Variants in MMP16 observed in about 807,000 individuals in gnomAD.
MMP16 encodes the protein matrix metalloproteinase-16.
MMP16 carries 12 observed loss-of-function variants against 67.8 expected under a neutral mutation model. The observed-to-expected ratio is 0.18, with a 90% CI of 0.11 to 0.29. The LOEUF (loss-of-function observed/expected upper bound fraction) is 0.29, where lower values mean the gene tolerates loss of function less well. Among genes scored for constraint, MMP16 ranks in the 10% least tolerant of loss-of-function variants. The probability of loss-of-function intolerance (pLI) is 1.00; values close to 1 mark genes in which losing one functional copy is unlikely to be tolerated. For synonymous variants in MMP16, 249 were observed against 255.9 expected (o/e 0.97, Z 0.26); for missense variants, 475 against 765.7 (o/e 0.62, Z 4.48).
At chr8:88,274,660 A>G (rs1810616926) in intron 1 of MMP16, among the ~76,000 whole-genome samples, 1 of 152,076 alleles carries the variant, frequency 6.6e-6, no homozygotes, top group Non-Finnish European at 1.5e-5. Flanking sequence ...AAAAGTTACA[A>G]TCTGTAATTA....
intron 1 of MMP16, among the ~76,000 whole-genome samples, chr8:88,253,583 TCTGA>T (rs1277090668): frequency 2.0e-5 from 3 of 152,050 alleles, no homozygotes; most frequent in African/African-American, 7.2e-5. Flanking sequence ...TACAAAAATA[TCTGA>T]CTGATGTGTT....
At chr8:88,183,588 G>GT (rs1461129633) in intron 3 of MMP16, among the ~76,000 whole-genome samples, 1 of 152,096 alleles carries the variant, frequency 6.6e-6, no homozygotes, top group Non-Finnish European at 1.5e-5. Flanking sequence ...CTGAATAGAG[G>GT]AGAGGTAGCA....
intron 1 of MMP16, among the ~76,000 whole-genome samples, chr8:88,226,875 C>T (rs1467920019): frequency 1.2e-4 from 9 of 72,760 alleles, no homozygotes; most frequent in African/African-American, 4.1e-4. Flanking sequence ...TCAGCCTACA[C>T]GTATTTATTT....
chr8:88,295,723 A>T (rs1811002016), intron 1 of MMP16, among the ~76,000 whole-genome samples: 1 of 152,192 alleles, frequency 6.6e-6, no homozygotes, highest in Non-Finnish European at 1.5e-5. Flanking sequence ...CCAACGCTTA[A>T]TCTGTTTTTC....
At chr8:88,293,535 C>T (rs1810958323) in intron 1 of MMP16, among the ~76,000 whole-genome samples, 1 of 151,918 alleles carries the variant, frequency 6.6e-6, no homozygotes, top group South Asian at 2.1e-4. Context: ...AAATTTAATC[C>T]ATTGCTTTTA....
At chr8:88,236,051 AC>A (rs1248510802) in intron 1 of MMP16, among the ~76,000 whole-genome samples, 1 of 152,260 alleles carries the variant, frequency 6.6e-6, no homozygotes, top group Non-Finnish European at 1.5e-5. Flanking sequence ...AATAAAGTAA[AC>A]CACCAACTTT....
chr8:88,305,852 A>G (rs1811203873), intron 1 of MMP16, among the ~76,000 whole-genome samples: 1 of 152,142 alleles, frequency 6.6e-6, no homozygotes, highest in Non-Finnish European at 1.5e-5. Flanking sequence ...TCTCAAGTTG[A>G]CCACCTAACA....
chr8:88,076,965 G>A (rs908585444), intron 6 of MMP16, among the ~76,000 whole-genome samples: 1 of 152,156 alleles, frequency 6.6e-6, no homozygotes, highest in African/African-American at 2.4e-5. Context: ...CACCACATAT[G>A]GAGCCGGGCC....
At chr8:88,149,336 C>A (rs376847970) in intron 4 of MMP16, among the ~76,000 whole-genome samples, 2 of 152,256 alleles carry the variant, frequency 1.3e-5, no homozygotes, top group Admixed American at 6.5e-5. Context: ...CAGCCGGGAA[C>A]CTCGAACTGG....
chr8:88,116,012 T>C (rs2664359), intron 6 of MMP16, among the ~76,000 whole-genome samples: 151,371 of 152,236 alleles, frequency 0.99, 75,261 homozygotes, highest in Middle Eastern at 1. Context: ...AAATGATAGC[T>C]TCATAGAGGA....
intron 1 of MMP16, among the ~76,000 whole-genome samples, chr8:88,243,367 GCCT>G (rs1240057019): frequency 6.6e-6 from 1 of 152,152 alleles, no homozygotes; most frequent in African/African-American, 2.4e-5. Flanking sequence ...GGAGACGGAA[GCCT>G]CCTCAGAATG....
intron 1 of MMP16, among the ~76,000 whole-genome samples, chr8:88,281,734 G>T (rs1810740950): frequency 6.6e-6 from 1 of 152,162 alleles, no homozygotes; most frequent in South Asian, 2.1e-4. Flanking sequence ...CTGTCAGGGG[G>T]TGGACAACCA....
intron 1 of MMP16, among the ~76,000 whole-genome samples, chr8:88,326,669 T>C (rs2130240051): frequency 6.6e-6 from 1 of 152,298 alleles, no homozygotes; most frequent in South Asian, 2.1e-4. Context: ...CACCAAACAC[T>C]GGGAGAAAGA....
intron 3 of MMP16, 130 bp downstream of exon 3, chr8:88,186,346 A>G (rs1915012): frequency 0.99 from 1,181,796 of 1,199,088 alleles, 584,011 homozygotes; most frequent in East Asian, 1. Flanking sequence ...GCAATTTTAA[A>G]TCTCTTATGT....
At chr8:88,139,112 C>T (rs1266208944) in intron 4 of MMP16, among the ~76,000 whole-genome samples, 2 of 152,112 alleles carry the variant, frequency 1.3e-5, no homozygotes, top group Non-Finnish European at 2.9e-5. Context: ...TGTTCAGATG[C>T]TGACATTGTC....
intron 8 of MMP16, among the ~76,000 whole-genome samples, chr8:88,050,670 G>A (rs903879594): frequency 6.6e-6 from 1 of 152,148 alleles, no homozygotes; most frequent in African/African-American, 2.4e-5. Flanking sequence ...AATTGACTTA[G>A]TCACATTTAC....
At chr8:88,068,998 G>A (rs1808505490) in intron 7 of MMP16, among the ~76,000 whole-genome samples, 1 of 152,024 alleles carries the variant, frequency 6.6e-6, no homozygotes, top group African/African-American at 2.4e-5. Context: ...CACCTTACCC[G>A]GCCAAAATCA....
At chr8:88,292,950 T>A (rs1810949895) in intron 1 of MMP16, among the ~76,000 whole-genome samples, 1 of 152,112 alleles carries the variant, frequency 6.6e-6, no homozygotes, top group Admixed American at 6.6e-5. Flanking sequence ...AAGAAAGAAC[T>A]TCTGAAAAAT....
intron 4 of MMP16, among the ~76,000 whole-genome samples, chr8:88,149,112 A>G (rs934107189): frequency 7.2e-5 from 11 of 152,352 alleles, no homozygotes; most frequent in African/African-American, 2.6e-4. Context: ...ACGCACCTGG[A>G]AAATCGGGTC....
Sources: allele counts gnomAD v4.1 joint callset (sites outside exome capture counted in the v4.1 genomes callset), GRCh38; gene constraint gnomAD v4.1.1; transcripts MANE v1.5; gene names NCBI Gene and HGNC (gene_info 2026-07-23, HGNC 2026-07-21).